Variants in GTF3C1 observed in about 807,000 individuals in gnomAD.
GTF3C1 encodes general transcription factor 3C polypeptide 1.
A neutral mutation model predicts 226.7 loss-of-function variants in GTF3C1; 57 were observed. The observed-to-expected ratio is 0.25, with a 90% CI of 0.20 to 0.31. The LOEUF (loss-of-function observed/expected upper bound fraction) is 0.31, where lower values mean the gene tolerates loss of function less well. GTF3C1 is among the 10% of genes least tolerant of loss of function. GTF3C1 has a pLI of 1.00. For synonymous variants in GTF3C1, 1,090 were observed against 1,084.8 expected (o/e 1.00, Z -0.09); for missense variants, 2,217 against 2,776.1 (o/e 0.80, Z 4.53).
At chr16:27,515,565 C>T (rs2088644854) in intron 6 of GTF3C1, among the ~76,000 whole-genome samples, 1 of 152,086 alleles carries the variant, frequency 6.6e-6, no homozygotes. Flanking sequence ...TCCATCACAG[C>T]CTCCAACAAA....
rs1357088144 is a variant in GTF3C1, at chr16:27,483,141, AC to A, written c.4002-17del. ...CAGGCACACTCTGCAGGAAGAGGAG[AC>A]AAAGCTGAAGTCTGGGAATTGCAAT... On this transcript the variant is annotated splice_polypyrimidine_tract_variant and intron_variant, in intron 25 of 36. Coordinates refer to ENST00000356183, the MANE Select transcript of GTF3C1 (RefSeq NM_001520.4). 2 of 1,612,300 alleles carry A rather than the reference AC, an allele frequency of 1.2e-6. No individual in the cohort carries two copies. The highest frequency in any genetic ancestry group is 3.3e-5 in the Admixed American group (2 of 59,972).
intron 8 of GTF3C1, 46 bp downstream of exon 8, chr16:27,508,494 G>A (rs2088521386): frequency 1.5e-6 from 2 of 1,377,358 alleles, no homozygotes; most frequent in Non-Finnish European, 1.0e-6. Context: ...TACACTGCAA[G>A]CACCTCCAAA....
chr16:27,494,076 T>A (rs2088273668), intron 16 of GTF3C1, among the ~76,000 whole-genome samples: 1 of 152,142 alleles, frequency 6.6e-6, no homozygotes, highest in Admixed American at 6.5e-5. Context: ...TAATTTCTAT[T>A]TTATCTTTCT....
intron 5 of GTF3C1, among the ~76,000 whole-genome samples, chr16:27,529,616 T>A (rs928403069): frequency 1.3e-5 from 2 of 152,138 alleles, no homozygotes; most frequent in Non-Finnish European, 2.9e-5. Flanking sequence ...AGGCGGTGCT[T>A]TTAAAATTGA....
At chr16:27,490,604 C>T (rs1397493558) in intron 19 of GTF3C1, among the ~76,000 whole-genome samples, 3 of 152,154 alleles carry the variant, frequency 2.0e-5, no homozygotes, top group Non-Finnish European at 4.4e-5. Context: ...CAAGGTCACC[C>T]GTTTGAATGG....
chr16:27,542,436 C>T (rs1207217880), intron 2 of GTF3C1, among the ~76,000 whole-genome samples: 1 of 152,116 alleles, frequency 6.6e-6, no homozygotes, highest in Admixed American at 6.5e-5. Flanking sequence ...TAGCAGGTCC[C>T]TGTAAACCCA....
At chr16:27,512,961 G>A (rs922430451) in intron 6 of GTF3C1, among the ~76,000 whole-genome samples, 4 of 152,146 alleles carry the variant, frequency 2.6e-5, no homozygotes, top group Non-Finnish European at 5.9e-5. Context: ...ACCTGGAGCG[G>A]GACAACCACC....
At chr16:27,509,775 A>G (rs1257653731) in intron 7 of GTF3C1, among the ~76,000 whole-genome samples, 1 of 151,480 alleles carries the variant, frequency 6.6e-6, no homozygotes, top group Non-Finnish European at 1.5e-5. Flanking sequence ...AAAAAAAAAA[A>G]AAAAGAAGTA....
Position 27,469,694 on chromosome 16 carries a change from G to T in GTF3C1, c.4815-144C>A. On this transcript the variant is annotated intron_variant, in intron 31 of 36. Transcript: ENST00000356183. The surrounding 1 kb of genome is among the most constrained non-coding windows in gnomAD (Gnocchi z 4.5). ...TATGCTTCATTACCAAGGCTGGTGTGGATGGCTGCCCCAGATCCATCCCCT... is the reference window on the plus strand; with the variant it reads ...TATGCTTCATTACCAAGGCTGGTGTTGATGGCTGCCCCAGATCCATCCCCT... 1 of 889,484 alleles carries T rather than the reference G, an allele frequency of 1.1e-6. No individual in the cohort carries two copies. Among genetic ancestry groups the T allele is most frequent in the Non-Finnish European group, 1.7e-6 (1 of 574,336 alleles). 55.1% of individuals were successfully genotyped at this position (889,484 alleles called of 1,614,324 possible).
Position 27,538,356 on chromosome 16 carries a change from C to T in GTF3C1, c.432G>A (p.Arg144=). 6.6e-7 allele frequency: 1 copy of T among 1,516,942 alleles called. No homozygotes were observed. The highest frequency in any genetic ancestry group is 8.9e-7 in the Non-Finnish European group (1 of 1,127,880). 94.0% of individuals were successfully genotyped at this position (1,516,942 alleles called of 1,614,324 possible). ...CAACGATGATCAGTTTCTTCCCCCA[C>T]CTGCAAATCGGAAACAATCGCATGA... ...PRCTMVEAFD[R]WGKKLIIVAS... is the part of the protein sequence containing the mutation. Residue 144 remains arginine, a splice_region_variant and synonymous_variant, in exon 3 of 37, where the codon AGG becomes AGA. Transcript: ENST00000356183.
chr16:27,545,968 C>A (rs1351262730), intron 1 of GTF3C1, among the ~76,000 whole-genome samples: 1 of 152,174 alleles, frequency 6.6e-6, no homozygotes, highest in East Asian at 1.9e-4. Context: ...CCTGCCTGAG[C>A]CTCCCAAGGA....
intron 26 of GTF3C1, among the ~76,000 whole-genome samples, chr16:27,481,849 G>A (rs1033717236): frequency 2.0e-5 from 3 of 152,204 alleles, no homozygotes; most frequent in South Asian, 2.1e-4. Flanking sequence ...TTCCAGTCTC[G>A]CCCAGTGCTG....
intron 11 of GTF3C1, among the ~76,000 whole-genome samples, chr16:27,501,748 G>C (rs2088407757): frequency 6.6e-6 from 1 of 152,170 alleles, no homozygotes; most frequent in Non-Finnish European, 1.5e-5. Context: ...CTTCTCTCTG[G>C]ATACATCTTC....
rs201674362 is a variant in GTF3C1 at position 27,464,652 on chromosome 16, G to A, written c.5540C>T (p.Pro1847Leu). The change falls in exon 34 of 37, where the codon CCC (proline) becomes CTC (leucine). Residue 1847 changes from proline to leucine, a missense_variant. Physicochemically the swap from Pro to Leu is moderately conservative, Grantham distance 98 (BLOSUM62 -3). This residue lies in a region of GTF3C1 where 455 missense variants were observed against 441.9 expected (regional missense o/e 1.03). Transcript: ENST00000356183. Reference sequence around the variant, plus strand: ...GTGAGAAGGAGGTGCCTGCCCCTCGGGGGGGCTGTCCTCACTGGAAGACCC... The same window carrying A: ...GTGAGAAGGAGGTGCCTGCCCCTCGAGGGGGCTGTCCTCACTGGAAGACCC... ...LEGSSSEDSP[P>L]EGQAPPSHSP... 2.0e-6 allele frequency: 3 copies of A among 1,525,466 alleles called. No individual in the cohort carries two copies. Among genetic ancestry groups the A allele is most frequent in the East Asian group, 2.3e-5 (1 of 43,008 alleles). 94.5% of individuals were successfully genotyped at this position (1,525,466 alleles called of 1,614,324 possible). A position where few individuals can be genotyped will look rare whatever the true frequency, so the allele number is the denominator to read the frequency against.
At chr16:27,489,832 G>A (rs2088206770) in intron 19 of GTF3C1, 89 bp from the exon 20 acceptor site, 2 of 1,356,808 alleles carry the variant, frequency 1.5e-6, no homozygotes, top group Non-Finnish European at 2.0e-6. Context: ...GAAGAAGAGT[G>A]GATTCCCTGC....
chr16:27,472,821 T>C (rs573094811), intron 29 of GTF3C1, among the ~76,000 whole-genome samples: 5 of 152,358 alleles, frequency 3.3e-5, no homozygotes, highest in Admixed American at 1.3e-4. Context: ...CTGAGGTCAA[T>C]TGCCTTATAT....
chr16:27,528,645 C>T lies in GTF3C1; in HGVS notation c.926G>A (p.Arg309His), dbSNP rs748562275. 1.9e-6 allele frequency: 3 copies of T among 1,609,766 alleles called. No homozygotes were observed. Among genetic ancestry groups the T allele is most frequent in the African/African-American group, 1.3e-5 (1 of 74,938 alleles). ...NAGLAKVVSLRLQEIHPECGP... is the reference protein window; with the variant it reads ...NAGLAKVVSLHLQEIHPECGP... ...ACATTCAGGGTGGATCTCTTGCAAG[C>T]GAAGAGACACCACCTTGGCTAGCCC... Residue 309 changes from arginine (R) to histidine (H), a missense_variant, in exon 6 of 37, where the codon CGC (arginine) becomes CAC (histidine). Transcript: ENST00000356183.
chr16:27,527,176 C>A (rs917540888), intron 6 of GTF3C1, among the ~76,000 whole-genome samples: 2 of 152,176 alleles, frequency 1.3e-5, no homozygotes, highest in African/African-American at 4.8e-5. Context: ...CCACTGCACT[C>A]CAGCCTGGGA....
Position 27,464,497 on chromosome 16 carries a change from G to A in GTF3C1, c.5695C>T (p.Pro1899Ser). ...QDSNLAPSLG[P>S]GAEDGAEAQA... ...GCTTCTGCCCCATCTTCAGCTCCGGGCCCAAGGCTGGGGGCCAAATTTGAG... is the reference window on the plus strand; with the variant it reads ...GCTTCTGCCCCATCTTCAGCTCCGGACCCAAGGCTGGGGGCCAAATTTGAG... The change falls in exon 34 of 37, where the codon CCC (proline) becomes TCC (serine). Residue 1899 changes from proline to serine, a missense_variant. Pro to Ser is a moderately conservative substitution (Grantham distance 74, BLOSUM62 -1). Transcript: ENST00000356183. 6.5e-7 allele frequency: 1 copy of A among 1,532,306 alleles called. No homozygotes were observed. The highest frequency in any genetic ancestry group is 2.4e-5 in the East Asian group (1 of 42,220). 94.9% of individuals were successfully genotyped at this position (1,532,306 alleles called of 1,614,324 possible).
Sources: allele counts gnomAD v4.1 joint callset (sites outside exome capture counted in the v4.1 genomes callset), GRCh38; gene constraint gnomAD v4.1.1; regional missense constraint gnomAD v4.1.1; non-coding constraint Gnocchi (gnomAD v3.1); transcripts MANE v1.5; gene names NCBI Gene and HGNC (gene_info 2026-07-23, HGNC 2026-07-21).